Variants in ACCSL observed in about 807,000 individuals in gnomAD.
The protein encoded by ACCSL is probable inactive 1-aminocyclopropane-1-carboxylate synthase-like protein 2.
ACCSL carries 55 observed loss-of-function variants against 61.7 expected under a neutral mutation model. That is an observed-to-expected ratio of 0.89 (90% CI 0.72 to 1.12). The LOEUF (loss-of-function observed/expected upper bound fraction) is 1.12. Ranked by LOEUF, ACCSL falls within the 50% of genes most tolerant of loss-of-function variation. The pLI is 0.00. For synonymous variants in ACCSL, 258 were observed against 264.3 expected, an observed-to-expected ratio of 0.98 and a Z score of 0.23; for missense variants, 632 against 698.0, an observed-to-expected ratio of 0.91 and a Z score of 1.07.
the ACCSL span, among the ~76,000 whole-genome samples, chr11:43,932,481 C>T: frequency 9.5e-3 from 1,453 of 152,282 alleles, 8 homozygotes; most frequent in Non-Finnish European, 0.014. Flanking sequence ...GTTGCCCAGG[C>T]AGGTCTCGAA....
chr11:43,959,189 G>A, the ACCSL span, among the ~76,000 whole-genome samples: 5 of 152,200 alleles, frequency 3.3e-5, no homozygotes, highest in Non-Finnish European at 7.3e-5. Flanking sequence ...GTTCTCCCCA[G>A]TGGAATGGGC....
At chr11:43,945,323 C>A in the ACCSL span, 6 of 152,448 alleles carry the variant, frequency 3.9e-5, no homozygotes, top group Admixed American at 6.5e-5. Context: ...GTGGGAGGAA[C>A]TTCCTCTGAG....
At chr11:44,031,001 G>A in the ACCSL span, among the ~76,000 whole-genome samples, 1 of 152,150 alleles carries the variant, frequency 6.6e-6, no homozygotes, top group Non-Finnish European at 1.5e-5. Flanking sequence ...AAAAGGCAGG[G>A]ATTTACACCC....
chr11:43,936,983 G>C, the ACCSL span, among the ~76,000 whole-genome samples: 5 of 152,110 alleles, frequency 3.3e-5, no homozygotes, highest in Admixed American at 1.3e-4. Context: ...TATGAAGCAC[G>C]CACCCTCTTT....
chr11:43,928,136 C>G, the ACCSL span, among the ~76,000 whole-genome samples: 3 of 152,040 alleles, frequency 2.0e-5, no homozygotes, highest in Non-Finnish European at 4.4e-5. Context: ...GGAGGGACCC[C>G]TTGGTAGCTT....
At chr11:43,961,040 C>T in the ACCSL span, among the ~76,000 whole-genome samples, 8 of 152,260 alleles carry the variant, frequency 5.3e-5, no homozygotes, top group South Asian at 1.7e-3. Context: ...AGGCCAGTCT[C>T]GAACTCCTGA....
the ACCSL span, among the ~76,000 whole-genome samples, chr11:44,004,996 G>A: frequency 6.6e-6 from 1 of 152,054 alleles, no homozygotes; most frequent in Non-Finnish European, 1.5e-5. Flanking sequence ...TATGTTTTTC[G>A]GAGGCCCACT....
At chr11:44,017,276 C>A in the ACCSL span, among the ~76,000 whole-genome samples, 3 of 152,152 alleles carry the variant, frequency 2.0e-5, no homozygotes, top group Non-Finnish European at 2.9e-5. Context: ...AAGAAGGGAG[C>A]AGGATGTCCC....
At chr11:44,034,603 A>G in the ACCSL span, among the ~76,000 whole-genome samples, 3 of 152,110 alleles carry the variant, frequency 2.0e-5, no homozygotes, top group Non-Finnish European at 4.4e-5. Context: ...TCCCCTTTAT[A>G]AAACCATCAG....
At chr11:43,975,266 T>C in the ACCSL span, among the ~76,000 whole-genome samples, 4 of 152,234 alleles carry the variant, frequency 2.6e-5, no homozygotes, top group Admixed American at 6.5e-5. Context: ...AAGCAGGGAC[T>C]TGATACATTT....
At chr11:44,046,673 G>A (rs567995576), upstream of ACCSL, among the ~76,000 whole-genome samples, 32 of 152,064 alleles carry the variant, frequency 2.1e-4, no homozygotes, top group African/African-American at 7.5e-4. Context: ...TTGTGTTTGT[G>A]TGTGTGTAGG....
chr11:44,054,508 G>C (rs1159480202), intron 8 of ACCSL, among the ~76,000 whole-genome samples: 2 of 151,088 alleles, frequency 1.3e-5, no homozygotes, highest in African/African-American at 2.4e-5. Flanking sequence ...CCAGGCTGGA[G>C]TGCAGTGGTG....
intron 8 of ACCSL, 30 bp downstream of exon 8, chr11:44,053,536 A>G: frequency 6.3e-7 from 1 of 1,579,390 alleles, no homozygotes; most frequent in South Asian, 1.1e-5. Flanking sequence ...AGACTAGGTA[A>G]TGTTTCTTGA....
the ACCSL span, among the ~76,000 whole-genome samples, chr11:43,928,327 A>AG: frequency 2.0e-5 from 3 of 152,156 alleles, no homozygotes; most frequent in East Asian, 5.8e-4. Flanking sequence ...CGGATTTTCT[A>AG]GTGCTGGTAA....
chr11:44,055,169 G>C, intron 8 of ACCSL, 33 bp from the exon 9 acceptor site: 3 of 1,435,146 alleles, frequency 2.1e-6, no homozygotes, highest in Non-Finnish European at 2.9e-6. Context: ...AGAGAAGCTA[G>C]ATCTTGTTCT....
upstream of ACCSL, chr11:44,047,931 TTC>T (rs984882140): frequency 1.3e-5 from 18 of 1,378,948 alleles, no homozygotes; most frequent in African/African-American, 2.2e-4. Context: ...TCTCCATCCA[TTC>T]CTGGACCTGA....
At chr11:44,051,477 AG>A in intron 4 of ACCSL, 73 bp downstream of exon 4, 1 of 1,583,138 alleles carries the variant, frequency 6.3e-7, no homozygotes, top group Non-Finnish European at 8.7e-7. Context: ...TGCCCTTTCT[AG>A]GGGGTACAAG....
At chr11:44,047,827 T>G (rs567911732), upstream of ACCSL, among the ~76,000 whole-genome samples, 212 of 152,330 alleles carry the variant, frequency 1.4e-3, no homozygotes, top group South Asian at 0.014. Context: ...GGCCATGTAC[T>G]CATTGCCCTA....
chr11:43,996,786 G>C, the ACCSL span, among the ~76,000 whole-genome samples: 1 of 149,636 alleles, frequency 6.7e-6, no homozygotes, highest in East Asian at 2.0e-4. Flanking sequence ...GGAGACTCAT[G>C]TTCCTCAAGG....
Sources: allele counts gnomAD v4.1 joint callset (sites outside exome capture counted in the v4.1 genomes callset), GRCh38; gene constraint gnomAD v4.1.1; transcripts MANE v1.5; gene names NCBI Gene and HGNC (gene_info 2026-07-23, HGNC 2026-07-21).